KANSL1L: variants seen among roughly 807,000 people sequenced by gnomAD.
KANSL1L encodes the protein KAT8 regulatory NSL complex subunit 1 like, also known as KAT8 regulatory NSL complex subunit 1-like protein.
A neutral mutation model predicts 108.6 loss-of-function variants in KANSL1L; 25 were observed. The observed-to-expected ratio is 0.23, with a 90% confidence interval of 0.17 to 0.32. The LOEUF (loss-of-function observed/expected upper bound fraction) is 0.32. Among genes scored for constraint, KANSL1L ranks in the 10% least tolerant of loss-of-function variants. KANSL1L has a pLI of 1.00. For synonymous variants in KANSL1L, 405 were observed against 395.1 expected (o/e 1.03, Z -0.30); for missense variants, 1,137 against 1,125.7 (o/e 1.01, Z -0.14).
chr2:210,058,917 G>A lies in KANSL1L; in HGVS notation c.1756-14813C>T, dbSNP rs909688380. Among the ~76,000 whole-genome samples the A allele has an allele frequency of 1.1e-4, 16 of 150,674 alleles. 1 individual carries two copies. Among genetic ancestry groups the A allele is most frequent in the South Asian group, 8.4e-4 (4 of 4,742 alleles). On this transcript the variant is annotated intron_variant, in intron 6 of 14. Coordinates refer to ENST00000281772, the MANE Select transcript of KANSL1L (RefSeq NM_152519.4). ...CCTGCCAACATGTGGTATCTCCCCCGGACACCCAGCTTTAAAATTTCTCTC... is the reference window on the plus strand; with the variant it reads ...CCTGCCAACATGTGGTATCTCCCCCAGACACCCAGCTTTAAAATTTCTCTC...
chr2:210,078,263 T>C (rs1373894175), intron 5 of KANSL1L, among the ~76,000 whole-genome samples: 1 of 152,224 alleles, frequency 6.6e-6, no homozygotes, highest in Non-Finnish European at 1.5e-5. Context: ...CATTATAATC[T>C]TATGGGACCA....
intron 2 of KANSL1L, among the ~76,000 whole-genome samples, chr2:210,142,085 T>A (rs2095234411): frequency 6.6e-6 from 1 of 151,864 alleles, no homozygotes; most frequent in Non-Finnish European, 1.5e-5. Flanking sequence ...TATTCCCTCC[T>A]CCTCTTCAAT....
intron 2 of KANSL1L, among the ~76,000 whole-genome samples, chr2:210,143,110 A>G (rs1559597951): frequency 6.6e-6 from 1 of 152,062 alleles, no homozygotes; most frequent in Non-Finnish European, 1.5e-5. Flanking sequence ...TGCTTTATAT[A>G]TTTAGATTCT....
intron 14 of KANSL1L, 127 bp from the exon 15 acceptor site, chr2:210,023,306 T>TTTCA: frequency 1.5e-6 from 1 of 677,066 alleles, no homozygotes; most frequent in South Asian, 2.0e-5. Flanking sequence ...ATGTACAATT[T>TTTCA]TTCATTTCAA....
At chr2:210,071,467 C>T (rs1279858520) in intron 6 of KANSL1L, among the ~76,000 whole-genome samples, 3 of 151,894 alleles carry the variant, frequency 2.0e-5, no homozygotes, top group African/African-American at 7.3e-5. Flanking sequence ...CGGGATTTTG[C>T]CATGTTGGCC....
chr2:210,150,119 T>C (rs2095291881), intron 2 of KANSL1L, among the ~76,000 whole-genome samples: 2 of 152,140 alleles, frequency 1.3e-5, no homozygotes, highest in Non-Finnish European at 2.9e-5. Context: ...GAAGCCTACC[T>C]TAATGAACTG....
chr2:210,024,005 G>A, intron 14 of KANSL1L, 28 bp downstream of exon 14: 1 of 1,440,938 alleles, frequency 6.9e-7, no homozygotes. Context: ...CAAGGAATGG[G>A]AAGTTTAATC....
chr2:210,140,178 T>C (rs1215286796), intron 2 of KANSL1L, among the ~76,000 whole-genome samples: 2 of 152,228 alleles, frequency 1.3e-5, no homozygotes, highest in South Asian at 2.1e-4. Context: ...CAAACCTTTT[T>C]AGTTTGATGC....
intron 3 of KANSL1L, among the ~76,000 whole-genome samples, chr2:210,115,967 A>G (rs2094949923): frequency 6.6e-6 from 1 of 152,206 alleles, no homozygotes; most frequent in South Asian, 2.1e-4. Flanking sequence ...TCTTTATAAG[A>G]GCTAAAAGTC....
intron 11 of KANSL1L, among the ~76,000 whole-genome samples, chr2:210,027,841 G>C (rs1407502240): frequency 1.3e-5 from 2 of 152,172 alleles, no homozygotes; most frequent in African/African-American, 2.4e-5. Flanking sequence ...TTTTGCTATA[G>C]AACGTCATAG....
Position 210,154,627 on chromosome 2 carries a change from A to G in KANSL1L, c.-29-16T>C. The G allele has an allele frequency of 7.3e-7, 1 of 1,377,552 alleles. No individual in the cohort carries two copies. Among genetic ancestry groups the G allele is most frequent in the Non-Finnish European group, 9.5e-7 (1 of 1,057,676 alleles). The allele number at this position is 1,377,552 out of a possible 1,614,324, so 85.3% of individuals were successfully genotyped here. On this transcript the variant is annotated splice_polypyrimidine_tract_variant and intron_variant, in intron 1 of 14. Transcript: ENST00000281772. Reference sequence around the variant, plus strand: ...TATTGGAAACCTACAATAATGTAAAAATAAATGGTCAAATATCTAGAAAAA... The same window carrying G: ...TATTGGAAACCTACAATAATGTAAAGATAAATGGTCAAATATCTAGAAAAA...
At chr2:210,157,691 G>GAAAAAAA (rs56676129) in intron 1 of KANSL1L, among the ~76,000 whole-genome samples, 56 of 47,192 alleles carry the variant, frequency 1.2e-3, no homozygotes, top group Non-Finnish European at 1.6e-3. Context: ...CACTGTCACA[G>GAAAAAAA]AAAAAAAAAA....
chr2:210,120,484 C>G (rs1161090726), intron 3 of KANSL1L, among the ~76,000 whole-genome samples: 1 of 152,144 alleles, frequency 6.6e-6, no homozygotes, highest in African/African-American at 2.4e-5. Context: ...ACACCACATA[C>G]AAAAATTAAT....
intron 5 of KANSL1L, among the ~76,000 whole-genome samples, chr2:210,090,215 G>C (rs1386422222): frequency 3.9e-5 from 6 of 152,102 alleles, no homozygotes; most frequent in Non-Finnish European, 5.9e-5. Flanking sequence ...TTTTATAAAA[G>C]TTCTGAGTTT....
Position 210,171,266 on chromosome 2 carries a change from G to C in KANSL1L, c.-147C>G, listed in dbSNP as rs1332419461. The C allele has an allele frequency of 5.8e-6, 1 of 171,512 alleles. No homozygotes were observed. The highest frequency in any genetic ancestry group is 1.2e-5 in the Non-Finnish European group (1 of 85,524). The allele number at this position is 171,512 out of a possible 1,614,324, so 10.6% of individuals were successfully genotyped here. On this transcript the variant is annotated 5_prime_UTR_variant, in exon 1 of 15. Transcript: ENST00000281772. ...CCCCCACCCGGGGCGCCGCTGACTC[G>C]TCTCCAGAGCGCGCCCCGCTCCCGC...
rs2093853788 is a variant in KANSL1L at position 210,021,442 on chromosome 2, T to G, written c.*1507A>C. The G allele has an allele frequency of 1.3e-5, 2 of 152,510 alleles. No individual in the cohort carries two copies. Among genetic ancestry groups the G allele is most frequent in the African/African-American group, 2.4e-5 (1 of 41,430 alleles). The allele number at this position is 152,510 out of a possible 1,614,324, so 9.4% of individuals were successfully genotyped here. ...CACGGCATATAGAAATAACTTTAAT[T>G]AAAAAACTTACATAGAAGATTATAA... On this transcript the variant is annotated 3_prime_UTR_variant, in exon 15 of 15. Transcript: ENST00000281772.
intron 3 of KANSL1L, among the ~76,000 whole-genome samples, chr2:210,128,247 A>C (rs777694737): frequency 2.6e-5 from 4 of 152,240 alleles, no homozygotes; most frequent in Non-Finnish European, 4.4e-5. Flanking sequence ...ATGATCCAGC[A>C]ATTCAACTTG....
At chr2:210,071,855 A>C (rs2094510132) in intron 6 of KANSL1L, among the ~76,000 whole-genome samples, 1 of 152,122 alleles carries the variant, frequency 6.6e-6, no homozygotes, top group Admixed American at 6.6e-5. Context: ...TCAATATTTT[A>C]AATATTTCAC....
chr2:210,107,534 ATTTT>A (rs71395572), intron 3 of KANSL1L, among the ~76,000 whole-genome samples: 2,733 of 117,608 alleles, frequency 0.023, 87 homozygotes, highest in African/African-American at 0.065. Flanking sequence ...ATATATATAT[ATTTT>A]TTTTTTTTGA....
Sources: allele counts gnomAD v4.1 joint callset (sites outside exome capture counted in the v4.1 genomes callset), GRCh38; gene constraint gnomAD v4.1.1; transcripts MANE v1.5; gene names NCBI Gene and HGNC (gene_info 2026-07-23, HGNC 2026-07-21).